Variants in RELN observed in about 807,000 individuals in gnomAD.
The protein encoded by RELN is reelin.
RELN carries 108 observed loss-of-function variants against 427.6 expected under a neutral mutation model. The observed-to-expected ratio is 0.25, with a 90% CI of 0.22 to 0.30. The LOEUF (loss-of-function observed/expected upper bound fraction) is 0.30, where lower values mean the gene tolerates loss of function less well. Ranked by LOEUF, RELN falls within the 10% of genes least tolerant of loss-of-function variation. The probability of loss-of-function intolerance (pLI) is 1.00; values close to 1 mark genes in which losing one functional copy is unlikely to be tolerated. For synonymous variants in RELN, 1,524 were observed against 1,513.4 expected (o/e 1.01, Z -0.16); for missense variants, 3,715 against 4,302.8 (o/e 0.86, Z 3.82).
intron 61 of RELN, chr7:103,484,181 G>A (rs757184364): frequency 5.5e-5 from 17 of 307,340 alleles, no homozygotes; most frequent in Non-Finnish European, 9.3e-5. Flanking sequence ...TGCCCGGCTG[G>A]GAAATCATCT....
At chr7:103,503,893 TAAAAAAA>T (rs71154347) in intron 51 of RELN, among the ~76,000 whole-genome samples, 19 of 96,630 alleles carry the variant, frequency 2.0e-4, no homozygotes, top group South Asian at 3.6e-4. Flanking sequence ...AATGTTCTTG[TAAAAAAA>T]AAAAAAAAAA....
chr7:103,709,410 C>G (rs1167605326), intron 8 of RELN, among the ~76,000 whole-genome samples: 1 of 152,222 alleles, frequency 6.6e-6, no homozygotes, highest in East Asian at 1.9e-4. Context: ...TTTAATATTT[C>G]TTGTAAGGGC....
intron 25 of RELN, among the ~76,000 whole-genome samples, chr7:103,594,952 T>C (rs1342634218): frequency 6.6e-6 from 1 of 152,228 alleles, no homozygotes; most frequent in Non-Finnish European, 1.5e-5. Context: ...TGGCTTCTGT[T>C]AACATTTTGA....
At chr7:103,817,957 A>AAG (rs1792918935) in intron 3 of RELN, among the ~76,000 whole-genome samples, 1 of 150,268 alleles carries the variant, frequency 6.7e-6, no homozygotes, top group Non-Finnish European at 1.5e-5. Flanking sequence ...AAAAAAAAAA[A>AAG]AAAAGAAAAG....
At chr7:103,856,275 T>C (rs1399502380) in intron 2 of RELN, among the ~76,000 whole-genome samples, 1 of 151,728 alleles carries the variant, frequency 6.6e-6, no homozygotes, top group Non-Finnish European at 1.5e-5. Flanking sequence ...GGAGGGAAAT[T>C]TACATCACAA....
intron 14 of RELN, among the ~76,000 whole-genome samples, chr7:103,652,238 T>A (rs891449919): frequency 1.3e-5 from 2 of 151,620 alleles, no homozygotes; most frequent in African/African-American, 4.8e-5. Flanking sequence ...GAGGTCAAGC[T>A]TTTTTTCAGT....
At chr7:103,531,938 A>G (rs1829949329) in intron 46 of RELN, among the ~76,000 whole-genome samples, 1 of 152,178 alleles carries the variant, frequency 6.6e-6, no homozygotes, top group Admixed American at 6.5e-5. Context: ...CAGCAATCCC[A>G]TTACTGGGTA....
intron 20 of RELN, among the ~76,000 whole-genome samples, chr7:103,625,344 C>T (rs765495938): frequency 2.0e-5 from 3 of 152,242 alleles, no homozygotes; most frequent in Non-Finnish European, 4.4e-5. Context: ...TTGCACAATG[C>T]TTCAACCTTC....
intron 2 of RELN, among the ~76,000 whole-genome samples, chr7:103,851,341 G>T (rs113918758): frequency 0.011 from 1,622 of 152,248 alleles, 36 homozygotes; most frequent in African/African-American, 0.038. Flanking sequence ...GGGGGGAAGA[G>T]TGGGAGGAGG....
At chr7:103,652,313 A>T (rs1343882950) in intron 14 of RELN, among the ~76,000 whole-genome samples, 1 of 151,434 alleles carries the variant, frequency 6.6e-6, no homozygotes, top group Non-Finnish European at 1.5e-5. Context: ...GCACATGCAA[A>T]CACCTCTGAT....
Position 103,629,965 on chromosome 7 carries a change from A to G in RELN, c.2677T>C (p.Tyr893His). Reference sequence around the variant, plus strand: ...CAAAGGGTCCAGTCGTGGCCACAGTATGGCTGAACATTTCCAAGGTAGAAT... The same window carrying G: ...CAAAGGGTCCAGTCGTGGCCACAGTGTGGCTGAACATTTCCAAGGTAGAAT... Reference protein sequence around the residue: ...LGFYLGNVQPYCGHDWTLCFT... With the variant: ...LGFYLGNVQPHCGHDWTLCFT... The change falls in exon 20 of 65, where the codon TAC becomes CAC. Residue 893 changes from tyrosine to histidine, a missense_variant. By Grantham distance (83) the Tyr-to-His change is moderately conservative. Coordinates refer to ENST00000428762, the MANE Select transcript of RELN (RefSeq NM_005045.4). The G allele has an allele frequency of 6.2e-7, 1 of 1,612,228 alleles. No individual in the cohort carries two copies. The highest frequency in any genetic ancestry group is 8.5e-7 in the Non-Finnish European group (1 of 1,178,280).
chr7:103,861,784 G>A (rs1370887338), intron 2 of RELN, among the ~76,000 whole-genome samples: 1 of 152,078 alleles, frequency 6.6e-6, no homozygotes, highest in Non-Finnish European at 1.5e-5. Flanking sequence ...GTTATGAAGT[G>A]GGGAGTAGAA....
chr7:103,743,979 C>G (rs1298198685), intron 6 of RELN, among the ~76,000 whole-genome samples: 1 of 152,130 alleles, frequency 6.6e-6, no homozygotes, highest in Non-Finnish European at 1.5e-5. Context: ...AGCACCACAC[C>G]ACACCTATTC....
intron 11 of RELN, among the ~76,000 whole-genome samples, chr7:103,680,025 A>G (rs1833620012): frequency 6.6e-6 from 1 of 152,212 alleles, no homozygotes; most frequent in South Asian, 2.1e-4. Context: ...GGCTTTGCTA[A>G]TAGAATAAAC....
chr7:103,528,857 G>A (rs905165778), intron 46 of RELN, among the ~76,000 whole-genome samples: 4 of 151,432 alleles, frequency 2.6e-5, no homozygotes, highest in Non-Finnish European at 5.9e-5. Flanking sequence ...AAAGAATATA[G>A]CCAGGCATGG....
intron 3 of RELN, among the ~76,000 whole-genome samples, chr7:103,812,725 A>C (rs1213133662): frequency 6.6e-6 from 1 of 152,214 alleles, no homozygotes; most frequent in Non-Finnish European, 1.5e-5. Context: ...ATGAGCTCTC[A>C]TCAGCAAAGA....
Position 103,551,258 on chromosome 7 carries a change from A to G in RELN, c.6111T>C (p.Asp2037=). 6.2e-7 allele frequency: 1 copy of G among 1,613,906 alleles called. No individual in the cohort carries two copies. Among genetic ancestry groups the G allele is most frequent in the Non-Finnish European group, 8.5e-7 (1 of 1,179,990 alleles). Residue 2037 remains aspartate, a synonymous_variant, in exon 41 of 65, where the codon GAT becomes GAC. Coordinates refer to ENST00000428762, the MANE Select transcript of RELN (RefSeq NM_005045.4). ...VGCSTDSSSA[D]PVRLEFSRDF... is the part of the protein sequence containing the mutation. ...CCCTTGAAAATTCCAGTCTCACTGGATCCGCGGATGAGCTATCAGTCGAAC... is the reference window on the plus strand; with the variant it reads ...CCCTTGAAAATTCCAGTCTCACTGGGTCCGCGGATGAGCTATCAGTCGAAC...
intron 3 of RELN, among the ~76,000 whole-genome samples, chr7:103,816,554 C>CACACACACACACACACACAT (rs1303414966): frequency 6.6e-6 from 1 of 151,834 alleles, no homozygotes; most frequent in Admixed American, 6.6e-5. Flanking sequence ...CACACACACA[C>CACACACACACACACACACAT]ACACACACAC....
At position 103,611,624 on chromosome 7, in the gene RELN, T is replaced by C. The variant is rs773387608; in HGVS notation, c.2882A>G (p.His961Arg). The C allele has an allele frequency of 1.9e-6, 3 of 1,613,356 alleles. No homozygotes were observed. The highest frequency in any genetic ancestry group is 2.2e-5 in the East Asian group (1 of 44,772). The change falls in exon 21 of 65, where the codon CAC becomes CGC. Residue 961 changes from histidine (H) to arginine (R), a missense_variant. This residue lies in a region of RELN where 2,208 missense variants were observed against 2,361.7 expected (regional missense o/e 0.93). Transcript: ENST00000428762. Reference protein sequence around the residue: ...EYSTNHGLTWHLVQEECLPSM... With the variant: ...EYSTNHGLTWRLVQEECLPSM... The stretch of plus-strand genomic sequence containing the variant: ...AACTAGACTTACTTCTTGGACGAGG[T>C]GCCAGGTAAGGCCGTGGTTGGTTGA...
Sources: allele counts gnomAD v4.1 joint callset (sites outside exome capture counted in the v4.1 genomes callset), GRCh38; gene constraint gnomAD v4.1.1; regional missense constraint gnomAD v4.1.1; transcripts MANE v1.5; gene names NCBI Gene and HGNC (gene_info 2026-07-23, HGNC 2026-07-21).